Variants in ADAMTSL3 observed in about 807,000 individuals in gnomAD.
ADAMTSL3 encodes the protein ADAMTS-like protein 3.
A neutral mutation model predicts 201.7 loss-of-function variants in ADAMTSL3; 128 were observed. The ratio of observed to expected loss-of-function variants is 0.63; its 90% CI spans 0.55 to 0.73. The LOEUF (loss-of-function observed/expected upper bound fraction) is 0.73. Ranked by LOEUF, ADAMTSL3 falls within the 30% of genes least tolerant of loss-of-function variation. The pLI, the probability that ADAMTSL3 is intolerant of heterozygous loss-of-function variation, is 0.00. For missense variants in ADAMTSL3, 1,990 were observed against 2,119.6 expected (o/e 0.94, Z 1.20); for synonymous variants, 738 against 748.4 (o/e 0.99, Z 0.23).
intron 2 of ADAMTSL3, among the ~76,000 whole-genome samples, chr15:83,687,169 A>G (rs566731437): frequency 6.6e-5 from 10 of 152,338 alleles, no homozygotes; most frequent in Admixed American, 2.0e-4. Context: ...GTACCACTGC[A>G]CTTCAGCCTG....
chr15:83,876,562 G>A (rs894671350), intron 9 of ADAMTSL3, among the ~76,000 whole-genome samples: 1 of 152,136 alleles, frequency 6.6e-6, no homozygotes, highest in African/African-American at 2.4e-5. Flanking sequence ...TATCCTGGTT[G>A]AGAAATCTGC....
intron 2 of ADAMTSL3, among the ~76,000 whole-genome samples, chr15:83,671,040 A>G (rs1250603665): frequency 1.3e-5 from 2 of 150,036 alleles, no homozygotes; most frequent in Non-Finnish European, 3.0e-5. Flanking sequence ...TGGCCATGAT[A>G]TATTGTTTTT....
At chr15:83,797,331 G>T (rs1028729563) in intron 4 of ADAMTSL3, among the ~76,000 whole-genome samples, 1 of 152,168 alleles carries the variant, frequency 6.6e-6, no homozygotes, top group East Asian at 1.9e-4. Flanking sequence ...TATGAAATGA[G>T]GCTGGGTGTG....
chr15:83,817,966 T>C (rs151049210), intron 5 of ADAMTSL3, among the ~76,000 whole-genome samples: 1,550 of 152,256 alleles, frequency 0.01, 23 homozygotes, highest in African/African-American at 0.035. Flanking sequence ...GAGAATCACT[T>C]GAACCTGGGA....
chr15:84,030,228 G>T (rs1260980181), intron 27 of ADAMTSL3, among the ~76,000 whole-genome samples: 1 of 152,158 alleles, frequency 6.6e-6, no homozygotes, highest in African/African-American at 2.4e-5. Context: ...AGCTTGTGCT[G>T]TGTGCCTGGA....
In ADAMTSL3 at chr15:83,654,830, G is replaced by C. The variant is rs935776584; in HGVS notation, c.-34+554G>C. On this transcript the variant is annotated intron_variant, in intron 1 of 29. Transcript: ENST00000286744. This position sits in a 1 kb window ranked among gnomAD's most constrained non-coding sequence, Gnocchi z 5.3. ...AGAGTCCCAGGGCCCCGCACTGGCC[G>C]CCTCCCTTCAGCCAGGAGTCGCCGC... is the stretch of plus-strand genomic sequence containing the variant. Among the ~76,000 whole-genome samples, 1 of 152,160 alleles carries C rather than the reference G, an allele frequency of 6.6e-6. No homozygotes were observed. The highest frequency in any genetic ancestry group is 2.4e-5 in the African/African-American group (1 of 41,446).
At chr15:83,943,171 C>G (rs559548634) in intron 19 of ADAMTSL3, 89 bp downstream of exon 19, 1 of 1,432,776 alleles carries the variant, frequency 7.0e-7, no homozygotes, top group Non-Finnish European at 9.3e-7. Flanking sequence ...CAGGCTGGAA[C>G]TACTGTGAGA....
chr15:83,823,055 C>A (rs1009834657), intron 6 of ADAMTSL3, among the ~76,000 whole-genome samples: 1 of 151,802 alleles, frequency 6.6e-6, no homozygotes, highest in African/African-American at 2.4e-5. Flanking sequence ...ACCAGTCAGG[C>A]GTGGCGGCGC....
intron 6 of ADAMTSL3, among the ~76,000 whole-genome samples, chr15:83,823,225 G>GGAGGGA (rs1567168893): frequency 2.2e-5 from 3 of 135,506 alleles, no homozygotes; most frequent in African/African-American, 5.7e-5. Flanking sequence ...AGGGGGAGGG[G>GGAGGGA]GAGGGAGAGG....
In ADAMTSL3 at chr15:83,831,291, G is replaced by C. The variant is rs534743160; in HGVS notation, c.601-6798G>C. ...TGGGTGCCATGTCTTTTTTTGGGGG[G>C]AGTGCACAAGTCAACCCACTACACA... On this transcript the variant is annotated intron_variant, in intron 6 of 29. Coordinates refer to ENST00000286744, the MANE Select transcript of ADAMTSL3 (RefSeq NM_207517.3). 3.9e-5 allele frequency among the ~76,000 whole-genome samples: 6 copies of C among 152,120 alleles called. No homozygotes were observed. In the South Asian group the frequency reaches 1.0e-3, roughly 26 times the overall value.
chr15:83,923,619 G>A (rs1266683257), intron 16 of ADAMTSL3, among the ~76,000 whole-genome samples: 2 of 152,234 alleles, frequency 1.3e-5, no homozygotes, highest in Admixed American at 1.3e-4. Flanking sequence ...GTCCAAGGGT[G>A]GATGGGGAGT....
At position 83,814,976 on chromosome 15, in the gene ADAMTSL3, G is replaced by A. The variant is rs774284803; in HGVS notation, c.364-4835G>A. Among the ~76,000 whole-genome samples, 119 of 152,264 alleles carry A rather than the reference G, an allele frequency of 7.8e-4. 1 individual carries two copies. The highest frequency in any genetic ancestry group is 2.5e-3 in the Admixed American group (39 of 15,298). On this transcript the variant is annotated intron_variant, in intron 5 of 29. Coordinates refer to ENST00000286744, the MANE Select transcript of ADAMTSL3 (RefSeq NM_207517.3). ...TACATATCCCCATGGTTTTAGGAGG[G>A]GAAGGAGACCTTGTTTTCAAGATGG... is the stretch of plus-strand genomic sequence containing the variant.
At chr15:83,803,652 G>A (rs1047845836) in intron 4 of ADAMTSL3, among the ~76,000 whole-genome samples, 5 of 152,102 alleles carry the variant, frequency 3.3e-5, no homozygotes, top group African/African-American at 9.7e-5. Flanking sequence ...GAGAGTACCC[G>A]TTGGATGGAA....
At chr15:84,022,165 C>T (rs2068216512) in intron 26 of ADAMTSL3, among the ~76,000 whole-genome samples, 1 of 152,044 alleles carries the variant, frequency 6.6e-6, no homozygotes, top group Admixed American at 6.6e-5. Flanking sequence ...CCTAGATGCC[C>T]CTCTTTCTCT....
At chr15:83,992,729 G>A (rs11638600) in intron 23 of ADAMTSL3, among the ~76,000 whole-genome samples, 58,278 of 152,066 alleles carry the variant, frequency 0.38, 11,813 homozygotes, top group African/African-American at 0.52. Context: ...AGACTGGATT[G>A]GGTGGAAACT....
In ADAMTSL3 at chr15:83,983,064, C is replaced by A; in HGVS notation, c.3436C>A (p.Pro1146Thr). Residue 1146 changes from proline to threonine, a missense_variant, in exon 21 of 30, where the codon CCT (proline) becomes ACT (threonine). Transcript: ENST00000286744. ...GTGGCGGGGCATCCAGGAAGAGACA[C>A]CTCCTGCTGCTCAGCTCAGAGGGGA... The part of the protein sequence containing the change: ...MQWRGIQEET[P>T]PAAQLRGETG... 1 of 1,614,134 alleles carries A rather than the reference C, an allele frequency of 6.2e-7. No homozygotes were observed. Among genetic ancestry groups the A allele is most frequent in the Non-Finnish European group, 8.5e-7 (1 of 1,180,024 alleles).
chr15:83,761,787 C>T (rs567680261), intron 3 of ADAMTSL3, among the ~76,000 whole-genome samples: 1 of 152,178 alleles, frequency 6.6e-6, no homozygotes, highest in African/African-American at 2.4e-5. Flanking sequence ...CAGTATGAAA[C>T]AAAGCTGTCA....
intron 4 of ADAMTSL3, among the ~76,000 whole-genome samples, chr15:83,800,231 G>A (rs2063496238): frequency 6.6e-6 from 1 of 152,180 alleles, no homozygotes; most frequent in African/African-American, 2.4e-5. Context: ...ATTGTTGAAG[G>A]AAGAATGAGT....
intron 6 of ADAMTSL3, among the ~76,000 whole-genome samples, chr15:83,831,207 A>G (rs903391486): frequency 7.2e-5 from 11 of 152,092 alleles, no homozygotes; most frequent in Admixed American, 1.3e-4. Context: ...ATTTCATCTC[A>G]ACATCCTTAA....
Sources: gnomAD v4.1 joint callset for allele counts (sites outside exome capture counted in the v4.1 genomes callset) on GRCh38, gnomAD v4.1.1 for gene constraint, Gnocchi (gnomAD v3.1) non-coding constraint, MANE v1.5 for transcripts, NCBI Gene and HGNC (gene_info 2026-07-23, HGNC 2026-07-21) for gene names.